BRMS1L: variants seen among roughly 807,000 people sequenced by gnomAD.
BRMS1L encodes the protein BRMS1 like transcriptional repressor.
In BRMS1L, 23 loss-of-function variants were observed where a neutral mutation model predicts 50.3. The observed-to-expected ratio is 0.46, with a 90% CI of 0.33 to 0.65. The LOEUF (loss-of-function observed/expected upper bound fraction) is 0.65. Ranked by LOEUF, BRMS1L falls within the 30% of genes least tolerant of loss-of-function variation. The probability of loss-of-function intolerance (pLI) is 0.02; values close to 1 mark genes in which losing one functional copy is unlikely to be tolerated. For missense variants in BRMS1L, 286 were observed against 386.1 expected (o/e 0.74, Z 2.17); for synonymous variants, 114 against 126.9 (o/e 0.90, Z 0.69).
At chr14:35,828,779 G>A (rs185667565) in intron 1 of BRMS1L, among the ~76,000 whole-genome samples, 293 of 152,160 alleles carry the variant, frequency 1.9e-3, no homozygotes, top group Non-Finnish European at 3.4e-3. Context: ...TGGAGTGATG[G>A]CAGTATGCTT....
intron 4 of BRMS1L, among the ~76,000 whole-genome samples, chr14:35,838,029 C>T (rs1214790388): frequency 1.3e-5 from 2 of 152,164 alleles, no homozygotes; most frequent in Non-Finnish European, 2.9e-5. Context: ...CCCTAGCCCT[C>T]CACCCTCCCA....
Position 35,826,720 on chromosome 14 carries a change from G to A in BRMS1L, c.142+62G>A, listed in dbSNP as rs548328894. The A allele has an allele frequency of 5.7e-6, 9 of 1,585,216 alleles. No homozygotes were observed. In the African/African-American group the frequency reaches 6.7e-5, roughly 12 times the overall value. The stretch of plus-strand genomic sequence containing the variant: ...CCCAGCGCGCGACAGGCCGCTCTCC[G>A]CACGCCAGGCGGCTGCGTCCTGCTG... On this transcript the variant is annotated intron_variant, in intron 1 of 9. Transcript: ENST00000216807.
Position 35,863,890 on chromosome 14 carries a change from C to T in BRMS1L, c.559C>T (p.Gln187Ter), listed in dbSNP as rs771268646. The change falls in exon 6 of 10, where the codon CAG becomes TAG. Residue 187 changes from glutamine to a stop codon, truncating the protein, a stop_gained. Coordinates refer to ENST00000216807, the MANE Select transcript of BRMS1L (RefSeq NM_032352.4). LOFTEE classifies it high-confidence loss of function. ...GCCAGAGCTGTGGAATGATGAGCTT[C>T]AGTCAAGAAAAAAGAGGAAGGATCC... The part of the protein sequence containing the change: ...ITSELWNDEL[Q>*]SRKKRKDPFS... 6.2e-7 allele frequency: 1 copy of T among 1,613,802 alleles called. No individual in the cohort carries two copies. The highest frequency in any genetic ancestry group is 8.5e-7 in the Non-Finnish European group (1 of 1,179,866).
chr14:35,850,755 G>A (rs1026258970), intron 4 of BRMS1L, among the ~76,000 whole-genome samples: 1 of 152,102 alleles, frequency 6.6e-6, no homozygotes, highest in Non-Finnish European at 1.5e-5. Flanking sequence ...ATTTTTGTGT[G>A]TGTTGTACAA....
At chr14:35,847,715 T>C (rs1289512023) in intron 4 of BRMS1L, among the ~76,000 whole-genome samples, 1 of 152,156 alleles carries the variant, frequency 6.6e-6, no homozygotes, top group African/African-American at 2.4e-5. Flanking sequence ...GAATAGCAAC[T>C]CCCCATTTCC....
chr14:35,834,343 A>C (rs2077964618), intron 3 of BRMS1L, among the ~76,000 whole-genome samples: 1 of 152,134 alleles, frequency 6.6e-6, no homozygotes, highest in Non-Finnish European at 1.5e-5. Context: ...AGCACTCCAG[A>C]CATAATTGAT....
In BRMS1L at chr14:35,851,282, C is replaced by T. The variant is rs187203215; in HGVS notation, c.442-11308C>T. On this transcript the variant is annotated intron_variant, in intron 4 of 9. Transcript: ENST00000216807. ...GAGAAAGGTTGAATAAACTCTGCTA[C>T]ATTCCTGCAATGGAGTACCATGAGG... Among the ~76,000 whole-genome samples the T allele has an allele frequency of 2.6e-3, 392 of 151,578 alleles. 2 individuals carry two copies. The highest frequency in any genetic ancestry group is 3.3e-3 in the Non-Finnish European group (225 of 67,982).
chr14:35,862,616 A>G lies in BRMS1L; in HGVS notation c.468A>G (p.Thr156=), dbSNP rs1169291022. Residue 156 remains threonine, a synonymous_variant, in exon 5 of 10, where the codon ACA becomes ACG. Transcript: ENST00000216807. ...CESEKLLLYD[T]VQSELEEKIR... ...GCGAAAAGCTGTTGCTATATGATACAGTCCAGAGTGAACTAGAGGAGAAGA... is the reference window on the plus strand; with the variant it reads ...GCGAAAAGCTGTTGCTATATGATACGGTCCAGAGTGAACTAGAGGAGAAGA... 3.1e-6 allele frequency: 5 copies of G among 1,608,208 alleles called. No individual in the cohort carries two copies. The African/African-American group carries it at 5.4e-5, about 17-fold the overall frequency.
chr14:35,840,964 AC>A, intron 4 of BRMS1L, among the ~76,000 whole-genome samples: 1 of 151,816 alleles, frequency 6.6e-6, no homozygotes, highest in African/African-American at 2.4e-5. Context: ...TTTAGCTCTT[AC>A]CCGTTTTCTC....
intron 4 of BRMS1L, among the ~76,000 whole-genome samples, chr14:35,844,260 G>A (rs1008932636): frequency 9.9e-5 from 15 of 152,168 alleles, no homozygotes; most frequent in Admixed American, 2.0e-4. Context: ...CAGCTAGCCC[G>A]GTGTCTGCCC....
intron 4 of BRMS1L, among the ~76,000 whole-genome samples, chr14:35,835,639 T>A (rs1567300866): frequency 6.6e-6 from 1 of 152,120 alleles, no homozygotes; most frequent in East Asian, 1.9e-4. Flanking sequence ...GCTCAGGAAG[T>A]CAAGACCAGT....
At chr14:35,834,387 G>A (rs997314423) in intron 3 of BRMS1L, among the ~76,000 whole-genome samples, 1 of 151,970 alleles carries the variant, frequency 6.6e-6, no homozygotes, top group Non-Finnish European at 1.5e-5. Context: ...TTTACTCCTC[G>A]TGGATTCTTT....
In BRMS1L at chr14:35,826,494, G is replaced by A. The variant is rs980976081; in HGVS notation, c.-23G>A. On this transcript the variant is annotated 5_prime_UTR_variant, in exon 1 of 10. Coordinates refer to ENST00000216807, the MANE Select transcript of BRMS1L (RefSeq NM_032352.4). ...GTGGCCGGGCTGGGCGCCGGTAGTGGAAAGCGACGGCGCGGCTGGAAAATG... is the reference window on the plus strand; with the variant it reads ...GTGGCCGGGCTGGGCGCCGGTAGTGAAAAGCGACGGCGCGGCTGGAAAATG... The A allele has an allele frequency of 5.7e-6, 9 of 1,565,288 alleles. No individual in the cohort carries two copies. The Admixed American group carries it at 1.3e-4, about 23-fold the overall frequency.
intron 4 of BRMS1L, among the ~76,000 whole-genome samples, chr14:35,843,538 T>C (rs919257977): frequency 2.0e-5 from 3 of 152,254 alleles, no homozygotes; most frequent in Admixed American, 2.0e-4. Flanking sequence ...GATTGCTGCC[T>C]GTTCCTTCCT....
intron 4 of BRMS1L, among the ~76,000 whole-genome samples, chr14:35,858,160 A>C (rs1264304589): frequency 6.6e-6 from 1 of 152,194 alleles, no homozygotes; most frequent in Non-Finnish European, 1.5e-5. Flanking sequence ...TGACCTAGAA[A>C]ACCCCCTCAT....
intron 4 of BRMS1L, among the ~76,000 whole-genome samples, chr14:35,840,573 C>T (rs148338681): frequency 0.022 from 3,328 of 152,168 alleles, 119 homozygotes; most frequent in African/African-American, 0.075. Flanking sequence ...TTCAGGGATT[C>T]GACTTCTTCT....
intron 4 of BRMS1L, among the ~76,000 whole-genome samples, chr14:35,852,879 C>T (rs1306397086): frequency 2.6e-5 from 4 of 151,746 alleles, no homozygotes; most frequent in South Asian, 2.1e-4. Flanking sequence ...TGCAGTGAGC[C>T]GAGATAGTGT....
intron 2 of BRMS1L, among the ~76,000 whole-genome samples, chr14:35,831,937 AG>A (rs2077925207): frequency 6.6e-6 from 1 of 151,524 alleles, no homozygotes; most frequent in Admixed American, 6.6e-5. Flanking sequence ...AAAAAAAATT[AG>A]TTCTGTCCTG....
intron 4 of BRMS1L, among the ~76,000 whole-genome samples, chr14:35,846,243 A>C (rs28832685): frequency 2.1e-5 from 3 of 145,846 alleles, no homozygotes; most frequent in African/African-American, 7.6e-5. Flanking sequence ...CAAAACAAAA[A>C]CAAAAAAACT....
Sources: allele counts gnomAD v4.1 joint callset (sites outside exome capture counted in the v4.1 genomes callset), GRCh38; gene constraint gnomAD v4.1.1; transcripts MANE v1.5; gene names NCBI Gene and HGNC (gene_info 2026-07-23, HGNC 2026-07-21).